The following ERBB4 variants were observed in gnomAD, a reference collection of about 807,000 sequenced individuals.
The protein encoded by ERBB4 is receptor tyrosine-protein kinase erbB-4.
In ERBB4, 42 loss-of-function variants were observed where a neutral mutation model predicts 158.0. The ratio of observed to expected loss-of-function variants is 0.27; its 90% CI spans 0.21 to 0.34. ERBB4 has a LOEUF of 0.34. ERBB4 is among the 10% of genes least tolerant of loss of function. ERBB4 has a pLI of 1.00. For synonymous variants in ERBB4, 583 were observed against 558.7 expected (o/e 1.04, Z -0.61); for missense variants, 1,333 against 1,624.1 (o/e 0.82, Z 3.08).
chr2:212,101,436 T>C (rs2079080678), intron 2 of ERBB4, among the ~76,000 whole-genome samples: 1 of 150,982 alleles, frequency 6.6e-6, no homozygotes. Context: ...AAAGATTTTT[T>C]TAAGAGGTGG....
intron 4 of ERBB4, among the ~76,000 whole-genome samples, chr2:211,774,603 C>T (rs1161952187): frequency 1.4e-4 from 22 of 152,266 alleles, no homozygotes; most frequent in Middle Eastern, 3.4e-3. Flanking sequence ...TACTTTTGAA[C>T]GGTTAGGATA....
At chr2:212,430,833 G>T (rs2092011753) in intron 1 of ERBB4, among the ~76,000 whole-genome samples, 1 of 152,010 alleles carries the variant, frequency 6.6e-6, no homozygotes, top group African/African-American at 2.4e-5. Flanking sequence ...GGGAGATGGG[G>T]GATGGGGGAA....
rs547422701 is a variant in ERBB4 at position 212,525,029 on chromosome 2, C to A, written c.82+13420G>T. Among the ~76,000 whole-genome samples the A allele has an allele frequency of 2.0e-3, 302 of 151,924 alleles. 1 individual carries two copies. The highest frequency in any genetic ancestry group is 6.8e-3 in the Middle Eastern group (2 of 294). ...TTCCAGGGAAGGTACCAGGGAAACTCAATCAGGTAAAACAGCATTTCAATG... is the reference window on the plus strand; with the variant it reads ...TTCCAGGGAAGGTACCAGGGAAACTAAATCAGGTAAAACAGCATTTCAATG... On this transcript the variant is annotated intron_variant, in intron 1 of 27. Transcript: ENST00000342788.
At chr2:212,061,726 T>C (rs1433638908) in intron 2 of ERBB4, among the ~76,000 whole-genome samples, 2 of 150,670 alleles carry the variant, frequency 1.3e-5, no homozygotes, top group Admixed American at 6.6e-5. Flanking sequence ...TTTCTTTTCC[T>C]TTTTTCTTTT....
chr2:211,590,119 T>TA (rs1220096793), intron 19 of ERBB4, among the ~76,000 whole-genome samples: 2 of 150,676 alleles, frequency 1.3e-5, no homozygotes, highest in Non-Finnish European at 3.0e-5. Context: ...TAATTTACAC[T>TA]AAAAATATCC....
At chr2:211,428,783 T>C (rs2125423960) in intron 21 of ERBB4, among the ~76,000 whole-genome samples, 1 of 152,280 alleles carries the variant, frequency 6.6e-6, no homozygotes, top group South Asian at 2.1e-4. Flanking sequence ...AATGGCACAA[T>C]CTCAGCTCAC....
intron 3 of ERBB4, among the ~76,000 whole-genome samples, chr2:211,815,932 ACCAGCTG>A (rs1663922888): frequency 6.6e-6 from 1 of 152,000 alleles, no homozygotes; most frequent in African/African-American, 2.4e-5. Flanking sequence ...TTGAACTTGC[ACCAGCTG>A]CCTCCCTGGG....
At chr2:212,308,998 G>C (rs540657513) in intron 1 of ERBB4, among the ~76,000 whole-genome samples, 3 of 150,838 alleles carry the variant, frequency 2.0e-5, no homozygotes, top group African/African-American at 7.2e-5. Context: ...TCAATTTAAA[G>C]TGTATAAAAT....
At chr2:211,927,082 T>C (rs1279388469) in intron 3 of ERBB4, among the ~76,000 whole-genome samples, 2 of 152,098 alleles carry the variant, frequency 1.3e-5, no homozygotes, top group African/African-American at 2.4e-5. Context: ...CTAAATGGGG[T>C]ACAAAATTTT....
intron 3 of ERBB4, among the ~76,000 whole-genome samples, chr2:211,926,120 C>T (rs545785656): frequency 1.9e-4 from 29 of 152,226 alleles, no homozygotes; most frequent in African/African-American, 5.5e-4. Flanking sequence ...CCACGTTAAG[C>T]GCCAGTCCTG....
chr2:211,435,480 A>T (rs1398656804), intron 20 of ERBB4, among the ~76,000 whole-genome samples: 3 of 152,174 alleles, frequency 2.0e-5, no homozygotes, highest in Non-Finnish European at 4.4e-5. Context: ...CTAATCAGGG[A>T]TCCCCAACCC....
rs140542945 is a variant in ERBB4, at chr2:212,394,729, T to A, written c.82+143720A>T. ...TCTCATTCAAGCACTAGAAAATTTA[T>A]AAAATGAAGTATTTTGATTGTGAAA... is the stretch of plus-strand genomic sequence containing the variant. On this transcript the variant is annotated intron_variant, in intron 1 of 27. Coordinates refer to ENST00000342788, the MANE Select transcript of ERBB4 (RefSeq NM_005235.3). Among the ~76,000 whole-genome samples the A allele has an allele frequency of 7.7e-4, 118 of 152,268 alleles. 1 individual carries two copies. Among genetic ancestry groups the A allele is most frequent in the African/African-American group, 2.7e-3 (113 of 41,562 alleles).
Position 211,494,986 on chromosome 2 carries a change from C to A in ERBB4, c.2488-63886G>T, listed in dbSNP as rs559530479. ...GTTATATAGAATTTTTAAATATCAT[C>A]TTTCTTTAGAAAACTGAATAATCAT... On this transcript the variant is annotated intron_variant, in intron 20 of 27. Coordinates refer to ENST00000342788, the MANE Select transcript of ERBB4 (RefSeq NM_005235.3). Among the ~76,000 whole-genome samples the A allele has an allele frequency of 2.0e-5, 3 of 152,162 alleles. No individual in the cohort carries two copies. In the East Asian group the frequency reaches 5.8e-4, roughly 29 times the overall value.
At chr2:211,618,472 G>C (rs767599013) in intron 19 of ERBB4, among the ~76,000 whole-genome samples, 15 of 151,784 alleles carry the variant, frequency 9.9e-5, no homozygotes, top group Non-Finnish European at 1.9e-4. Flanking sequence ...CTGCCACAGA[G>C]AACACGTAGC....
Position 212,133,420 on chromosome 2 carries a change from TTTG to T in ERBB4, c.83-8520_83-8518del, listed in dbSNP as rs757044695. On this transcript the variant is annotated intron_variant, in intron 1 of 27. Transcript: ENST00000342788. ...TGTTTTTTTTTTGTTTTGTTTTGTTTTTGTTTTTTTTTTTGCTATGTGAATTTA... is the reference window on the plus strand; with the variant it reads ...TGTTTTTTTTTTGTTTTGTTTTGTTTTTTTTTTTTTTGCTATGTGAATTTA... Among the ~76,000 whole-genome samples the T allele has an allele frequency of 4.4e-3, 636 of 144,914 alleles. 4 individuals carry two copies. The highest frequency in any genetic ancestry group is 0.021 in the Middle Eastern group (6 of 282).
chr2:211,818,009 G>A (rs2076915140), intron 3 of ERBB4, among the ~76,000 whole-genome samples: 1 of 152,034 alleles, frequency 6.6e-6, no homozygotes, highest in Admixed American at 6.6e-5. Flanking sequence ...GTAGTTCATT[G>A]TTCATTGACT....
chr2:212,279,428 G>A (rs2085668602), intron 1 of ERBB4, among the ~76,000 whole-genome samples: 1 of 151,398 alleles, frequency 6.6e-6, no homozygotes, highest in Non-Finnish European at 1.5e-5. Context: ...GGGGAGATGA[G>A]GTTTATATTC....
At chr2:211,647,822 C>T (rs1367377537) in intron 16 of ERBB4, among the ~76,000 whole-genome samples, 1 of 151,674 alleles carries the variant, frequency 6.6e-6, no homozygotes, top group Non-Finnish European at 1.5e-5. Context: ...ACTTGCTTCC[C>T]AATCAGCATA....
chr2:211,748,501 C>A (rs1036926895), intron 5 of ERBB4, among the ~76,000 whole-genome samples: 4 of 152,056 alleles, frequency 2.6e-5, no homozygotes, highest in African/African-American at 4.8e-5. Context: ...GTCTTAAGTG[C>A]CCCTACTCAA....
Sources: gnomAD v4.1 joint callset for allele counts (sites outside exome capture counted in the v4.1 genomes callset) on GRCh38, gnomAD v4.1.1 for gene constraint, MANE v1.5 for transcripts, NCBI Gene and HGNC (gene_info 2026-07-23, HGNC 2026-07-21) for gene names.